The following PACRGL variants were observed in gnomAD, a reference collection of about 807,000 sequenced individuals.
PACRGL encodes the protein parkin coregulated like, also known as PACRG-like protein.
Under a neutral mutation model 34.5 loss-of-function variants are expected in PACRGL, and 38 were observed. The ratio of observed to expected loss-of-function variants is 1.10; its 90% CI spans 0.85 to 1.44. The LOEUF is 1.44. Among genes scored for constraint, PACRGL ranks in the 40% most tolerant of loss-of-function variants. The pLI is 0.00. For missense variants in PACRGL, 305 were observed against 281.4 expected (o/e 1.08, Z -0.60); for synonymous variants, 128 against 100.1 (o/e 1.28, Z -1.66).
intron 7 of PACRGL, among the ~76,000 whole-genome samples, chr4:20,715,256 C>A (rs1248787005): frequency 6.6e-6 from 1 of 151,984 alleles, no homozygotes; most frequent in African/African-American, 2.4e-5. Context: ...GGTAACATCA[C>A]TCTCTGGGGA....
Position 20,730,452 on chromosome 4 carries a change from C to CAAAG in PACRGL, c.*3112_*3115dup, listed in dbSNP as rs529443928. 6.0e-3 allele frequency among the ~76,000 whole-genome samples: 914 copies of CAAAG among 151,982 alleles called. 3 individuals carry two copies. The highest frequency in any genetic ancestry group is 9.9e-3 in the Non-Finnish European group (676 of 68,016). On this transcript the variant is annotated 3_prime_UTR_variant, in exon 9 of 9. Transcript: ENST00000503585. Reference sequence around the variant, plus strand: ...AAACTACAGAGGTGCAGAGGTGTGTCAAAGCAAATGAGAATTTTGGCATTC... The same window carrying CAAAG: ...AAACTACAGAGGTGCAGAGGTGTGTCAAAGAAAGCAAATGAGAATTTTGGCATTC...
chr4:20,707,946 A>G (rs1578147617), intron 4 of PACRGL, 76 bp downstream of exon 4: 3 of 1,142,226 alleles, frequency 2.6e-6, no homozygotes, highest in Non-Finnish European at 3.9e-6. Flanking sequence ...TTTAGTTTAA[A>G]TGTATTGTAA....
intron 3 of PACRGL, among the ~76,000 whole-genome samples, chr4:20,707,429 CTG>C (rs1424823083): frequency 2.0e-5 from 3 of 152,206 alleles, no homozygotes; most frequent in Non-Finnish European, 4.4e-5. Flanking sequence ...CCTACGCCAT[CTG>C]TATTTGGCTG....
At chr4:20,727,235 AG>A in intron 8 of PACRGL, 49 bp from the exon 9 acceptor site, 1 of 1,473,064 alleles carries the variant, frequency 6.8e-7, no homozygotes, top group Non-Finnish European at 9.5e-7. Flanking sequence ...AATACCTATT[AG>A]GGGAACTCTG....
At chr4:20,756,790 C>A (rs767364996), downstream of PACRGL, among the ~76,000 whole-genome samples, 6 of 152,038 alleles carry the variant, frequency 3.9e-5, no homozygotes, top group South Asian at 2.1e-4. Flanking sequence ...CTATCTATCT[C>A]TCTTGTGTTT....
chr4:20,720,119 T>C lies in PACRGL; in HGVS notation c.610-4689T>C, dbSNP rs569615704. On this transcript the variant is annotated intron_variant, in intron 7 of 8. Coordinates refer to ENST00000503585, the MANE Select transcript of PACRGL (RefSeq NM_001258345.3). ...TTGTCTCTTTTGATCTTTGTTGGTT[T>C]AAAGTCTTTTATCAGAGACTAGGAT... is the stretch of plus-strand genomic sequence containing the variant. Among the ~76,000 whole-genome samples the C allele has an allele frequency of 4.3e-4, 66 of 152,290 alleles. 1 individual carries two copies. The South Asian group carries it at 0.013, about 30-fold the overall frequency.
At chr4:20,738,993 T>A (rs1447214500) in intron 8 of PACRGL, among the ~76,000 whole-genome samples, 1 of 152,154 alleles carries the variant, frequency 6.6e-6, no homozygotes, top group African/African-American at 2.4e-5. Context: ...CTCACTGCTA[T>A]CACAGAAGTC....
intron 7 of PACRGL, among the ~76,000 whole-genome samples, chr4:20,715,804 G>C (rs757430847): frequency 3.3e-5 from 5 of 152,100 alleles, no homozygotes; most frequent in Non-Finnish European, 7.4e-5. Context: ...GGTGGAGGTT[G>C]TAGTGGGACA....
intron 8 of PACRGL, among the ~76,000 whole-genome samples, chr4:20,738,906 A>G (rs1489037570): frequency 6.6e-6 from 1 of 152,190 alleles, no homozygotes; most frequent in Non-Finnish European, 1.5e-5. Context: ...GTGCTTTTCC[A>G]ACAGTCTTAG....
chr4:20,716,129 TC>T (rs1739844000), intron 7 of PACRGL: 1 of 1,509,094 alleles, frequency 6.6e-7, no homozygotes, highest in African/African-American at 1.4e-5. Flanking sequence ...CTCATGAGGT[TC>T]CCAAGACCAC....
rs1748362201 is a variant in PACRGL, at chr4:20,731,926, G to A, written c.*4585G>A. The A allele has an allele frequency of 3.2e-6, 5 of 1,584,640 alleles. No individual in the cohort carries two copies. In the African/African-American group the frequency reaches 4.0e-5, roughly 13 times the overall value. On this transcript the variant is annotated 3_prime_UTR_variant, in exon 9 of 9. Coordinates refer to ENST00000503585, the MANE Select transcript of PACRGL (RefSeq NM_001258345.3). ...GCATATGATCTCTATATTTCGCCCA[G>A]TTCATGGTAGCTAGCTGCTAATACT... is the stretch of plus-strand genomic sequence containing the variant.
downstream of PACRGL, chr4:20,734,774 TA>T (rs1749170801): frequency 4.6e-6 from 6 of 1,290,820 alleles, no homozygotes; most frequent in East Asian, 4.7e-5. Context: ...ATGACATTTT[TA>T]AAAAAACAAA....
At chr4:20,734,511 A>T (rs188741206), downstream of PACRGL, 43 of 537,418 alleles carry the variant, frequency 8.0e-5, no homozygotes, top group East Asian at 1.3e-3. Flanking sequence ...TCCACTACAT[A>T]AAATATTTTG....
intron 3 of PACRGL, among the ~76,000 whole-genome samples, chr4:20,707,352 C>G (rs28439580): frequency 0.18 from 26,935 of 152,126 alleles, 2,439 homozygotes; most frequent in Middle Eastern, 0.23. Context: ...TCAATTCTCT[C>G]CCTCCTGCCC....
downstream of PACRGL, among the ~76,000 whole-genome samples, chr4:20,753,608 C>T (rs1754013412): frequency 6.6e-6 from 1 of 152,134 alleles, no homozygotes; most frequent in African/African-American, 2.4e-5. Flanking sequence ...CCATTGAATT[C>T]AAGCACGAGG....
downstream of PACRGL, among the ~76,000 whole-genome samples, chr4:20,736,797 A>G (rs1469636514): frequency 1.3e-5 from 2 of 152,232 alleles, no homozygotes; most frequent in African/African-American, 4.8e-5. Flanking sequence ...GAAAAAGACA[A>G]AAACAGAAAT....
rs1240569588 is a variant in PACRGL, at chr4:20,728,106, A to ATTAT, written c.*768_*771dup. ...CTGGCCCCATGAATACACTACTAAT[A>ATTAT]TTATTTGTAAATATGTATTTTATAA... On this transcript the variant is annotated 3_prime_UTR_variant, in exon 9 of 9. Transcript: ENST00000503585. The ATTAT allele has an allele frequency of 2.6e-5, 4 of 152,176 alleles. No individual in the cohort carries two copies. The highest frequency in any genetic ancestry group is 7.2e-5 in the African/African-American group (3 of 41,440). 9.4% of individuals were successfully genotyped at this position (152,176 alleles called of 1,614,324 possible). A position where few individuals can be genotyped will look rare whatever the true frequency, so the allele number is the denominator to read the frequency against.
intron 8 of PACRGL, chr4:20,749,786 A>G: frequency 5.9e-6 from 7 of 1,187,940 alleles, no homozygotes; most frequent in South Asian, 2.7e-5. Context: ...ATCCTACATA[A>G]GACTTGGATA....
rs1470848565 is a variant in PACRGL, at chr4:20,729,524, TAATTTCTAAC to T, written c.*2185_*2194del. ...AATGTTTAAAAATGCCAGATAAAAC[TAATTTCTAAC>T]AGAAGGTGGGAAGGCCATAGAAACT... On this transcript the variant is annotated 3_prime_UTR_variant, in exon 9 of 9. Transcript: ENST00000503585. The T allele has an allele frequency of 1.5e-5, 2 of 133,612 alleles. No individual in the cohort carries two copies. The highest frequency in any genetic ancestry group is 3.4e-5 in the Non-Finnish European group (2 of 59,058). The allele number at this position is 133,612 out of a possible 1,614,324, so 8.3% of individuals were successfully genotyped here.
Sources: gnomAD v4.1 joint callset for allele counts (sites outside exome capture counted in the v4.1 genomes callset) on GRCh38, gnomAD v4.1.1 for gene constraint, MANE v1.5 for transcripts, NCBI Gene and HGNC (gene_info 2026-07-23, HGNC 2026-07-21) for gene names.